The following KCNN2 variants were observed in gnomAD, a reference collection of about 807,000 sequenced individuals.
KCNN2 encodes the protein potassium calcium-activated channel subfamily N member 2.
A neutral mutation model predicts 55.5 loss-of-function variants in KCNN2; 24 were observed. That is an observed-to-expected ratio of 0.43 (90% confidence interval 0.31 to 0.61). The LOEUF is 0.61. Among genes scored for constraint, KCNN2 ranks in the 20% least tolerant of loss-of-function variants. The pLI is 0.08. For synonymous variants in KCNN2, 431 were observed against 336.1 expected (o/e 1.28, Z -3.09); for missense variants, 754 against 853.6 (o/e 0.88, Z 1.45).
intron 1 of KCNN2, among the ~76,000 whole-genome samples, chr5:114,120,719 C>A (rs79620989): frequency 1.7e-3 from 257 of 152,228 alleles, no homozygotes; most frequent in African/African-American, 5.7e-3. Context: ...CCTATCTAGG[C>A]TTTAGTATCA....
At chr5:114,313,137 G>A (rs1380478530) in intron 2 of KCNN2, among the ~76,000 whole-genome samples, 3 of 152,046 alleles carry the variant, frequency 2.0e-5, no homozygotes, top group Non-Finnish European at 4.4e-5. Flanking sequence ...TCATCATTCA[G>A]ACATTTATTC....
intron 1 of KCNN2, among the ~76,000 whole-genome samples, chr5:114,152,909 G>T (rs1183159409): frequency 2.0e-5 from 3 of 152,114 alleles, no homozygotes; most frequent in African/African-American, 7.2e-5. Flanking sequence ...AATAGGATGA[G>T]GCAAAAAGCA....
chr5:114,085,502 A>T (rs1364763665), intron 1 of KCNN2, among the ~76,000 whole-genome samples: 1 of 151,980 alleles, frequency 6.6e-6, no homozygotes, highest in Non-Finnish European at 1.5e-5. Flanking sequence ...CATTGATGGT[A>T]TATCAGGAAA....
At chr5:114,102,268 T>C (rs544578527) in intron 1 of KCNN2, among the ~76,000 whole-genome samples, 1 of 152,128 alleles carries the variant, frequency 6.6e-6, no homozygotes, top group African/African-American at 2.4e-5. Flanking sequence ...TCATCCACAT[T>C]TTGATGGAGT....
intron 2 of KCNN2, among the ~76,000 whole-genome samples, chr5:114,302,964 T>C (rs1331573996): frequency 6.6e-6 from 1 of 152,188 alleles, no homozygotes; most frequent in Non-Finnish European, 1.5e-5. Context: ...AGAGGCTCCA[T>C]AGACAGGAAT....
chr5:114,143,231 A>T (rs1215170459), intron 1 of KCNN2, among the ~76,000 whole-genome samples: 2 of 152,296 alleles, frequency 1.3e-5, no homozygotes, highest in South Asian at 2.1e-4. Context: ...CTTTAACAGA[A>T]CATCTGTATA....
chr5:114,208,290 A>G lies in KCNN2; in HGVS notation c.-270-13190A>G, dbSNP rs1181318115. Among the ~76,000 whole-genome samples, 4 of 152,308 alleles carry G rather than the reference A, an allele frequency of 2.6e-5. No individual in the cohort carries two copies. In the East Asian group the frequency reaches 7.7e-4, roughly 29 times the overall value. On this transcript the variant is annotated intron_variant, in intron 1 of 10. Transcript: ENST00000512097. ...TCCCACTCTTAGCGGTAATCAGTCC[A>G]GACTGTCATCCCTTGCCTGTTTCCC...
chr5:114,312,045 G>T (rs1263048636), intron 2 of KCNN2, among the ~76,000 whole-genome samples: 3 of 151,996 alleles, frequency 2.0e-5, no homozygotes, highest in African/African-American at 7.2e-5. Flanking sequence ...CAGTGAATCA[G>T]GGATCTACCT....
At chr5:114,089,551 G>A (rs7733630) in intron 1 of KCNN2, among the ~76,000 whole-genome samples, 76 of 152,260 alleles carry the variant, frequency 5.0e-4, no homozygotes, top group African/African-American at 1.8e-3. Context: ...AAAAATTCAG[G>A]AGGAATCTTA....
At chr5:114,185,389 G>T (rs1021838763) in intron 1 of KCNN2, among the ~76,000 whole-genome samples, 17 of 152,214 alleles carry the variant, frequency 1.1e-4, no homozygotes, top group Admixed American at 3.9e-4. Context: ...ACAGCCAGAT[G>T]GGAGGGGTTC....
At chr5:114,345,359 A>G (rs958552437) in intron 2 of KCNN2, among the ~76,000 whole-genome samples, 1 of 152,236 alleles carries the variant, frequency 6.6e-6, no homozygotes, top group Non-Finnish European at 1.5e-5. Flanking sequence ...AAAAAGGATA[A>G]CAGAATGGCA....
chr5:114,287,755 T>TA (rs531949664), intron 2 of KCNN2, among the ~76,000 whole-genome samples: 53,566 of 143,572 alleles, frequency 0.37, 9,666 homozygotes, highest in Middle Eastern at 0.41. Context: ...AGAACTTAAA[T>TA]AAAAAAAAAA....
chr5:114,085,083 C>A (rs1007034650), intron 1 of KCNN2, among the ~76,000 whole-genome samples: 25 of 150,410 alleles, frequency 1.7e-4, no homozygotes, highest in Admixed American at 1.5e-3. Flanking sequence ...TGTGTCTATT[C>A]TTTAGCTAGT....
rs149175635 is a variant in KCNN2 at position 114,104,884 on chromosome 5, TAAAG to T, written c.-271+48386_-271+48389del. Among the ~76,000 whole-genome samples, 518 of 151,888 alleles carry T rather than the reference TAAAG, an allele frequency of 3.4e-3. 3 individuals are homozygous for T. The highest frequency in any genetic ancestry group is 0.012 in the African/African-American group (495 of 41,458). Reference sequence around the variant, plus strand: ...AGGGTTCATTGCAAGCTCTTGAAGATAAAGAGAGAGGATTGTGCTCAGGGAGTAG... The same window carrying T: ...AGGGTTCATTGCAAGCTCTTGAAGATAGAGAGGATTGTGCTCAGGGAGTAG... On this transcript the variant is annotated intron_variant, in intron 1 of 10. Transcript: ENST00000512097.
intron 1 of KCNN2, among the ~76,000 whole-genome samples, chr5:114,065,823 C>CT (rs1317126676): frequency 9.0e-6 from 1 of 111,668 alleles, no homozygotes; most frequent in Non-Finnish European, 1.7e-5. Context: ...TTGCTAAGAG[C>CT]TTTTAGCTAT....
chr5:114,434,807 C>G (rs757703709), intron 3 of KCNN2, among the ~76,000 whole-genome samples: 4 of 152,060 alleles, frequency 2.6e-5, no homozygotes, highest in East Asian at 3.9e-4. Flanking sequence ...TTTTCCTTCC[C>G]TCAAATGCCA....
At chr5:114,364,069 G>A (rs1757532185) in intron 2 of KCNN2, 68 bp downstream of exon 2, 2 of 1,167,596 alleles carry the variant, frequency 1.7e-6, no homozygotes, top group South Asian at 1.3e-5. Context: ...ACGCAAGGCA[G>A]CAGAGGCTTT....
intron 2 of KCNN2, among the ~76,000 whole-genome samples, chr5:114,367,048 G>C (rs1363771468): frequency 1.3e-5 from 2 of 152,144 alleles, no homozygotes; most frequent in Non-Finnish European, 2.9e-5. Flanking sequence ...ATGTCCTCTG[G>C]AATTGCTTAA....
intron 1 of KCNN2, among the ~76,000 whole-genome samples, chr5:114,131,786 C>T (rs1052581738): frequency 6.6e-6 from 1 of 152,194 alleles, no homozygotes; most frequent in Non-Finnish European, 1.5e-5. Flanking sequence ...ACCTCAACAA[C>T]ATCTGTTGTT....
Sources: gnomAD v4.1 joint callset for allele counts (sites outside exome capture counted in the v4.1 genomes callset) on GRCh38, gnomAD v4.1.1 for gene constraint, MANE v1.5 for transcripts, NCBI Gene and HGNC (gene_info 2026-07-23, HGNC 2026-07-21) for gene names.